MAPKBP1: variants seen among roughly 807,000 people sequenced by gnomAD.
MAPKBP1 encodes mitogen-activated protein kinase binding protein 1, also known as mitogen-activated protein kinase-binding protein 1.
MAPKBP1 carries 71 observed loss-of-function variants against 170.5 expected under a neutral mutation model. That is an observed-to-expected ratio of 0.42 (90% CI 0.34 to 0.51). The LOEUF (loss-of-function observed/expected upper bound fraction) is 0.51. Ranked by LOEUF, MAPKBP1 falls within the 20% of genes least tolerant of loss-of-function variation. MAPKBP1 has a pLI of 0.06. For synonymous variants in MAPKBP1, 719 were observed against 757.9 expected (o/e 0.95, Z 0.84); for missense variants, 1,598 against 1,933.0 (o/e 0.83, Z 3.25).
At chr15:41,775,540 TAGGTTGA>T in intron 2 of MAPKBP1, 151 bp downstream of exon 2, 1 of 653,908 alleles carries the variant, frequency 1.5e-6, no homozygotes, top group African/African-American at 1.8e-5. Flanking sequence ...GATTTGGTTT[TAGGTTGA>T]AGGAAAAAGA....
chr15:41,813,444 G>A (rs896508494), intron 8 of MAPKBP1, 177 bp from the exon 9 acceptor site: 10 of 1,446,940 alleles, frequency 6.9e-6, no homozygotes, highest in Middle Eastern at 1.7e-4. Flanking sequence ...AAGAATCCTC[G>A]GTTCCTAATC....
chr15:41,775,285 GAA>G lies in MAPKBP1; in HGVS notation c.11_12del (p.Glu4GlyfsTer23), dbSNP rs1280638157. The part of the protein sequence containing the change: MAV[E>X]GSTITSRIKN... ...AGGGTTTCTCGTCATAATGGCTGTG[GAA>G]GGGTCAACCATTACCAGCCGGATCA... On this transcript the variant is annotated frameshift_variant, in exon 2 of 31. Transcript: ENST00000457542. LOFTEE classifies it high-confidence loss of function. 1 of 1,613,744 alleles carries G rather than the reference GAA, an allele frequency of 6.2e-7. No individual in the cohort carries two copies.
In MAPKBP1 at chr15:41,822,286, T is replaced by C; in HGVS notation, c.3093T>C (p.Ala1031=). The part of the protein sequence containing the change: ...DGISSDLEEP[A]EGDEEEEEEE... Reference sequence around the variant, plus strand: ...TCTCCTCAGACCTTGAAGAGCCAGCTGAGGGTGATGAAGAAGAGGAAGAAG... The same window carrying C: ...TCTCCTCAGACCTTGAAGAGCCAGCCGAGGGTGATGAAGAAGAGGAAGAAG... Residue 1031 remains alanine (A), a synonymous_variant, in exon 26 of 31, where the codon GCT becomes GCC. Coordinates refer to ENST00000457542, the MANE Select transcript of MAPKBP1 (RefSeq NM_014994.3). 13 of 1,613,982 alleles carry C rather than the reference T, an allele frequency of 8.1e-6. No homozygotes were observed. The highest frequency in any genetic ancestry group is 2.2e-5 in the South Asian group (2 of 91,080).
intron 3 of MAPKBP1, among the ~76,000 whole-genome samples, chr15:41,803,087 C>A (rs2064626327): frequency 6.6e-6 from 1 of 152,090 alleles, no homozygotes; most frequent in South Asian, 2.1e-4. Context: ...ACTATTATCA[C>A]CCTCATATTT....
intron 9 of MAPKBP1, 129 bp from the exon 10 acceptor site, chr15:41,814,421 C>A: frequency 1.2e-6 from 1 of 862,308 alleles, no homozygotes; most frequent in Non-Finnish European, 1.8e-6. Flanking sequence ...CTCCTTTCTT[C>A]TCTCAAGCAA....
chr15:41,793,114 G>T (rs1386192238), intron 2 of MAPKBP1, among the ~76,000 whole-genome samples: 1 of 152,046 alleles, frequency 6.6e-6, no homozygotes, highest in Non-Finnish European at 1.5e-5. Flanking sequence ...ATATGAAAAA[G>T]GTTTGCAAAA....
chr15:41,800,375 G>A (rs1364080428), intron 3 of MAPKBP1, among the ~76,000 whole-genome samples: 2 of 151,820 alleles, frequency 1.3e-5, no homozygotes, highest in Admixed American at 1.3e-4. Flanking sequence ...ACAGGTTCTG[G>A]CTCTGTTGCC....
At chr15:41,809,286 C>A (rs1171994188) in intron 3 of MAPKBP1, among the ~76,000 whole-genome samples, 2 of 150,384 alleles carry the variant, frequency 1.3e-5, no homozygotes, top group East Asian at 3.9e-4. Flanking sequence ...GAAAAAAAAA[C>A]AGGAAGAGTT....
intron 22 of MAPKBP1, among the ~76,000 whole-genome samples, chr15:41,820,295 T>G (rs2152083259): frequency 6.6e-6 from 1 of 152,222 alleles, no homozygotes; most frequent in Non-Finnish European, 1.5e-5. Flanking sequence ...AGGCCTGGGC[T>G]ATAGGTTTGT....
chr15:41,821,658 G>A lies in MAPKBP1; in HGVS notation c.2793G>A (p.Glu931=), dbSNP rs1165366353. Residue 931 remains glutamate, a synonymous_variant, in exon 24 of 31, where the codon GAG becomes GAA. Transcript: ENST00000457542. The part of the protein sequence containing the change: ...YPHIIRLLSQ[E]EGVFAQDLEP... ...ATATTATCCGATTATTGTCACAAGA[G>A]GAAGGGGTCTTTGCCCAAGATCTGG... 6.2e-7 allele frequency: 1 copy of A among 1,614,174 alleles called. No individual in the cohort carries two copies. The highest frequency in any genetic ancestry group is 1.3e-5 in the African/African-American group (1 of 75,042).
chr15:41,813,441 C>T, intron 8 of MAPKBP1, 180 bp from the exon 9 acceptor site: 7 of 1,454,106 alleles, frequency 4.8e-6, no homozygotes, highest in Non-Finnish European at 6.7e-6. Context: ...TAGAAGAATC[C>T]TCGGTTCCTA....
chr15:41,819,553 G>GGGGGGC (rs201425382), intron 21 of MAPKBP1, 42 bp from the exon 22 acceptor site: 4 of 1,502,876 alleles, frequency 2.7e-6, no homozygotes, highest in Non-Finnish European at 1.8e-6. Flanking sequence ...GTGGCGGGGG[G>GGGGGGC]GGGGCAGGAG....
At chr15:41,786,777 A>AAAAAAATACAT in intron 2 of MAPKBP1, among the ~76,000 whole-genome samples, 2 of 32,470 alleles carry the variant, frequency 6.2e-5, no homozygotes, top group South Asian at 2.0e-3. Flanking sequence ...AAAAAAAAAA[A>AAAAAAATACAT]ATATATATAT....
chr15:41,813,415 T>C, intron 8 of MAPKBP1: 7 of 1,488,626 alleles, frequency 4.7e-6, no homozygotes, highest in Non-Finnish European at 6.6e-6. Context: ...CTTTTCCTAC[T>C]GGATCCTCTG....
chr15:41,819,356 C>A lies in MAPKBP1; in HGVS notation c.2402C>A (p.Ala801Asp). ...GAACTTCCAGCACTGCCCGTCCTTG[C>A]CAAGAGTACCAAGAAGGCACTGGGT... Reference protein sequence around the residue: ...EEELPALPVLAKSTKKALASV... With the variant: ...EEELPALPVLDKSTKKALASV... The change falls in exon 21 of 31, where the codon GCC becomes GAC. Residue 801 changes from alanine (A) to aspartate (D), a missense_variant. Physicochemically the swap from Ala to Asp is moderately radical, Grantham distance 126. Transcript: ENST00000457542. 1 of 1,614,152 alleles carries A rather than the reference C, an allele frequency of 6.2e-7. No individual in the cohort carries two copies. Among genetic ancestry groups the A allele is most frequent in the Non-Finnish European group, 8.5e-7 (1 of 1,180,032 alleles).
At chr15:41,779,409 C>T (rs1451831724) in intron 2 of MAPKBP1, among the ~76,000 whole-genome samples, 2 of 152,036 alleles carry the variant, frequency 1.3e-5, no homozygotes, top group African/African-American at 4.8e-5. Flanking sequence ...CGGTGTTTCA[C>T]CATGTTGGTC....
Position 41,816,201 on chromosome 15 carries a change from G to A in MAPKBP1, c.1494-358G>A. On this transcript the variant is annotated intron_variant, in intron 12 of 30. Transcript: ENST00000457542. The stretch of plus-strand genomic sequence containing the variant: ...AAGGAAAGACCAGAGAACTGTTACA[G>A]ACCACAGAAGTCTAAGGAGAAGTAA... 4 of 355,228 alleles carry A rather than the reference G, an allele frequency of 1.1e-5. No individual in the cohort carries two copies. The South Asian group carries it at 1.9e-4, about 17-fold the overall frequency. The allele number at this position is 355,228 out of a possible 1,614,324, so 22.0% of individuals were successfully genotyped here.
At chr15:41,819,565 C>T in intron 21 of MAPKBP1, 30 bp from the exon 22 acceptor site, 1 of 1,500,104 alleles carries the variant, frequency 6.7e-7, no homozygotes, top group Non-Finnish European at 9.2e-7. Flanking sequence ...GGGCAGGAGA[C>T]ACTTCCTCTG....
chr15:41,813,273 T>C, intron 8 of MAPKBP1, 172 bp downstream of exon 8: 3 of 1,520,392 alleles, frequency 2.0e-6, no homozygotes, highest in East Asian at 4.5e-5. Context: ...GTGATCTGTA[T>C]AACTGCCTCC....
Sources: allele counts gnomAD v4.1 joint callset (sites outside exome capture counted in the v4.1 genomes callset), GRCh38; gene constraint gnomAD v4.1.1; transcripts MANE v1.5; gene names NCBI Gene and HGNC (gene_info 2026-07-23, HGNC 2026-07-21).